The following TOX variants were observed in gnomAD, a reference collection of about 807,000 sequenced individuals.
TOX encodes the protein thymocyte selection associated high mobility group box, also known as thymocyte selection-associated high mobility group box protein TOX.
Under a neutral mutation model 53.7 loss-of-function variants are expected in TOX, and 11 were observed. The ratio of observed to expected loss-of-function variants is 0.20; its 90% CI spans 0.13 to 0.34. TOX has a LOEUF of 0.34. TOX is among the 10% of genes least tolerant of loss of function. TOX has a pLI of 1.00. For missense variants in TOX, 570 were observed against 664.6 expected, an observed-to-expected ratio of 0.86 and a Z score of 1.56; for synonymous variants, 225 against 245.3, an observed-to-expected ratio of 0.92 and a Z score of 0.77.
intron 1 of TOX, among the ~76,000 whole-genome samples, chr8:59,009,987 T>C (rs1206795591): frequency 6.6e-6 from 1 of 152,236 alleles, no homozygotes; most frequent in Non-Finnish European, 1.5e-5. Flanking sequence ...TAGAATGTCT[T>C]ATTTAAATTT....
intron 3 of TOX, among the ~76,000 whole-genome samples, chr8:58,906,946 G>C (rs563705207): frequency 2.3e-4 from 35 of 152,214 alleles, no homozygotes; most frequent in Middle Eastern, 3.4e-3. Flanking sequence ...TGATTGTCTT[G>C]GATGTCATAA....
In TOX at chr8:58,824,594, C is replaced by T. The variant is rs191986450; in HGVS notation, c.1005+2228G>A. ...CTCTGGTTCTACAAGCTCCTGTCTTCCTTCAACCCCCAGATCCAATGTCAC... is the reference window on the plus strand; with the variant it reads ...CTCTGGTTCTACAAGCTCCTGTCTTTCTTCAACCCCCAGATCCAATGTCAC... On this transcript the variant is annotated intron_variant, in intron 6 of 8. Transcript: ENST00000361421. 2.8e-3 allele frequency among the ~76,000 whole-genome samples: 422 copies of T among 152,354 alleles called. 2 individuals carry two copies. The highest frequency in any genetic ancestry group is 9.8e-3 in the African/African-American group (408 of 41,586).
At chr8:58,971,157 C>T (rs1289009578) in intron 1 of TOX, among the ~76,000 whole-genome samples, 1 of 152,234 alleles carries the variant, frequency 6.6e-6, no homozygotes, top group Non-Finnish European at 1.5e-5. Context: ...CTCCAGATCA[C>T]ACTGGTTTGT....
chr8:58,937,131 C>G (rs574741677), intron 3 of TOX, among the ~76,000 whole-genome samples: 1 of 152,172 alleles, frequency 6.6e-6, no homozygotes, highest in Non-Finnish European at 1.5e-5. Flanking sequence ...GCACAGGAGA[C>G]GTGCAGCTCC....
chr8:59,115,549 A>C (rs898887836), intron 1 of TOX, among the ~76,000 whole-genome samples: 5 of 152,214 alleles, frequency 3.3e-5, no homozygotes, highest in Non-Finnish European at 5.9e-5. Flanking sequence ...AGCTCAATTA[A>C]GGGATACAAT....
chr8:58,957,737 T>A (rs1244321004), intron 2 of TOX, among the ~76,000 whole-genome samples: 1 of 152,240 alleles, frequency 6.6e-6, no homozygotes, highest in Admixed American at 6.5e-5. Context: ...TGTTGAGTGA[T>A]GCTATGAGGC....
chr8:58,840,224 A>C (rs1810620706), intron 4 of TOX, among the ~76,000 whole-genome samples: 1 of 152,232 alleles, frequency 6.6e-6, no homozygotes, highest in South Asian at 2.1e-4. Flanking sequence ...TATTAAAAAG[A>C]ATATCATTCT....
chr8:58,832,162 GTAATATATGTAATATATATA>G (rs1381758792), intron 5 of TOX, among the ~76,000 whole-genome samples: 5 of 114,488 alleles, frequency 4.4e-5, no homozygotes, highest in Admixed American at 2.1e-4. Context: ...TATAATATAT[GTAATATATGTAATATATATA>G]TAATATATGT....
intron 1 of TOX, among the ~76,000 whole-genome samples, chr8:58,970,685 G>A (rs1030065303): frequency 4.6e-5 from 7 of 152,132 alleles, no homozygotes; most frequent in African/African-American, 1.7e-4. Flanking sequence ...ATTGAACTAT[G>A]AGCATTTTGA....
intron 3 of TOX, among the ~76,000 whole-genome samples, chr8:58,935,030 TG>T (rs1229076183): frequency 5.9e-5 from 9 of 152,216 alleles, no homozygotes; most frequent in African/African-American, 2.2e-4. Context: ...TGGACTAAAT[TG>T]TTGATGTCTA....
chr8:58,808,336 T>C, intron 7 of TOX, 67 bp from the exon 8 acceptor site: 1 of 1,544,224 alleles, frequency 6.5e-7, no homozygotes, highest in Non-Finnish European at 8.7e-7. Flanking sequence ...CACCTAAATA[T>C]TTATTCATTC....
At chr8:58,880,612 C>G (rs374947578) in intron 3 of TOX, among the ~76,000 whole-genome samples, 1 of 152,092 alleles carries the variant, frequency 6.6e-6, no homozygotes. Flanking sequence ...GAATAAGACC[C>G]TGAAAGCTAA....
chr8:58,985,656 CCA>C (rs1813314907), intron 1 of TOX, among the ~76,000 whole-genome samples: 1 of 152,026 alleles, frequency 6.6e-6, no homozygotes, highest in Non-Finnish European at 1.5e-5. Flanking sequence ...GTGTATTTTG[CCA>C]CAGTTTTTAA....
chr8:59,018,028 G>C (rs183720173), intron 1 of TOX, among the ~76,000 whole-genome samples: 119 of 152,110 alleles, frequency 7.8e-4, no homozygotes, highest in Non-Finnish European at 1.4e-3. Flanking sequence ...TTTACTCCCT[G>C]TTGCATAAAG....
At position 58,998,523 on chromosome 8, in the gene TOX, A is replaced by T. The variant is rs372625637; in HGVS notation, c.103-38515T>A. ...TATATATATATATATATATATATAT[A>T]TATATATATATATATAAATTTATAT... is the stretch of plus-strand genomic sequence containing the variant. On this transcript the variant is annotated intron_variant, in intron 1 of 8. Coordinates refer to ENST00000361421, the MANE Select transcript of TOX (RefSeq NM_014729.3). 7.6e-4 allele frequency among the ~76,000 whole-genome samples: 34 copies of T among 45,026 alleles called. 1 individual carries two copies. Among genetic ancestry groups the T allele is most frequent in the African/African-American group, 2.0e-3 (31 of 15,238 alleles). The allele number at this position is 45,026 out of a possible 152,430, so 29.5% of individuals were successfully genotyped here.
chr8:58,985,394 A>T (rs1375592717), intron 1 of TOX, among the ~76,000 whole-genome samples: 2 of 152,182 alleles, frequency 1.3e-5, no homozygotes, highest in East Asian at 3.8e-4. Context: ...TACAGAAAAT[A>T]AAAAATAAAA....
intron 7 of TOX, among the ~76,000 whole-genome samples, chr8:58,814,943 A>G (rs923072684): frequency 1.3e-5 from 2 of 152,212 alleles, no homozygotes; most frequent in Non-Finnish European, 2.9e-5. Context: ...ATCTCCAAAC[A>G]ATATTTTTTA....
chr8:59,081,663 G>A (rs977733522), intron 1 of TOX, among the ~76,000 whole-genome samples: 4 of 152,186 alleles, frequency 2.6e-5, no homozygotes, highest in Non-Finnish European at 5.9e-5. Flanking sequence ...TGAAGGTATT[G>A]ATCATGTTAC....
chr8:59,105,268 A>G (rs1804881194), intron 1 of TOX, among the ~76,000 whole-genome samples: 1 of 152,226 alleles, frequency 6.6e-6, no homozygotes. Flanking sequence ...AATAGGAACT[A>G]CTTTAATACT....
Sources: allele counts gnomAD v4.1 joint callset (sites outside exome capture counted in the v4.1 genomes callset), GRCh38; gene constraint gnomAD v4.1.1; transcripts MANE v1.5; gene names NCBI Gene and HGNC (gene_info 2026-07-23, HGNC 2026-07-21).